SRGAP3: variants seen among roughly 807,000 people sequenced by gnomAD.
The protein encoded by SRGAP3 is SLIT-ROBO Rho GTPase-activating protein 3.
Under a neutral mutation model 121.1 loss-of-function variants are expected in SRGAP3, and 39 were observed. The ratio of observed to expected loss-of-function variants is 0.32; its 90% CI spans 0.25 to 0.42. The LOEUF is 0.42. Among genes scored for constraint, SRGAP3 ranks in the 10% least tolerant of loss-of-function variants. The pLI, the probability that SRGAP3 is intolerant of heterozygous loss-of-function variation, is 1.00. For missense variants in SRGAP3, 1,213 were observed against 1,470.6 expected, an observed-to-expected ratio of 0.82 and a Z score of 2.86; for synonymous variants, 601 against 570.0, an observed-to-expected ratio of 1.05 and a Z score of -0.77.
chr3:9,162,731 T>C (rs1474750039), intron 1 of SRGAP3, among the ~76,000 whole-genome samples: 3 of 152,376 alleles, frequency 2.0e-5, no homozygotes, highest in Non-Finnish European at 2.9e-5. Context: ...CCCAGCAGCA[T>C]GGCTGGACCC....
chr3:9,283,891 T>G (rs895984956), intron 3 of SRGAP3, among the ~76,000 whole-genome samples: 2 of 152,176 alleles, frequency 1.3e-5, no homozygotes, highest in African/African-American at 4.8e-5. Context: ...GACTGGCTTT[T>G]TTACTGGATG....
intron 1 of SRGAP3, among the ~76,000 whole-genome samples, chr3:9,357,778 A>G (rs1190133940): frequency 6.6e-6 from 1 of 152,142 alleles, no homozygotes; most frequent in African/African-American, 2.4e-5. Context: ...GTCTCCCAAT[A>G]TAAGTCTAGG....
chr3:9,049,614 C>T, intron 9 of SRGAP3: 1 of 410,622 alleles, frequency 2.4e-6, no homozygotes, highest in South Asian at 1.8e-5. Context: ...GGCAGAGGGC[C>T]AGGGGCTTGT....
chr3:9,332,311 G>T (rs2125286590), intron 1 of SRGAP3, among the ~76,000 whole-genome samples: 1 of 152,224 alleles, frequency 6.6e-6, no homozygotes, highest in African/African-American at 2.4e-5. Flanking sequence ...GTAGGGACAG[G>T]GTTTCACCAT....
chr3:9,184,556 G>T (rs958845920), intron 1 of SRGAP3, among the ~76,000 whole-genome samples: 5 of 152,086 alleles, frequency 3.3e-5, no homozygotes, highest in Middle Eastern at 3.2e-3. Context: ...TCAGTAAATG[G>T]GTGTTGTTAA....
At chr3:9,106,527 A>G (rs1316576888) in intron 2 of SRGAP3, among the ~76,000 whole-genome samples, 5 of 152,014 alleles carry the variant, frequency 3.3e-5, no homozygotes, top group Admixed American at 3.3e-4. Context: ...GTCCCCACCC[A>G]AATCTCAACT....
At chr3:9,059,801 G>A (rs993977254) in intron 6 of SRGAP3, 3 of 273,086 alleles carry the variant, frequency 1.1e-5, no homozygotes, top group South Asian at 4.1e-5. Context: ...ACTTTCTTTC[G>A]CATGTACACG....
rs748491563 is a variant in SRGAP3 at position 9,038,106 on chromosome 3, T to C, written c.1409-16A>G. The C allele has an allele frequency of 3.1e-6, 5 of 1,614,094 alleles. No individual in the cohort carries two copies. Among genetic ancestry groups the C allele is most frequent in the South Asian group, 2.2e-5 (2 of 91,088 alleles). ...GCTCTTTCCCCTGCAAAGAAAAGTA[T>C]ACATGAATGTTTAATTGCCTTTTCT... On this transcript the variant is annotated splice_polypyrimidine_tract_variant and intron_variant, in intron 10 of 21. Transcript: ENST00000383836.
At chr3:9,027,161 T>C (rs1559946271) in intron 12 of SRGAP3, among the ~76,000 whole-genome samples, 166 bp from the exon 13 acceptor site, 1 of 152,188 alleles carries the variant, frequency 6.6e-6, no homozygotes, top group African/African-American at 2.4e-5. Flanking sequence ...ACAGTTACAA[T>C]AGAGAGTCTT....
intron 3 of SRGAP3, among the ~76,000 whole-genome samples, chr3:9,256,519 T>C (rs1182399228): frequency 2.6e-5 from 4 of 152,024 alleles, no homozygotes; most frequent in Non-Finnish European, 5.9e-5. Context: ...GCAATCTAGC[T>C]TAAAGCTTAC....
At chr3:9,322,451 C>A (rs1955452898) in intron 3 of SRGAP3, among the ~76,000 whole-genome samples, 1 of 151,736 alleles carries the variant, frequency 6.6e-6, no homozygotes, top group South Asian at 2.1e-4. Context: ...AACCCCTGGG[C>A]CGTGGACTGG....
chr3:9,110,332 C>T (rs1019580468), intron 2 of SRGAP3, among the ~76,000 whole-genome samples: 1 of 152,062 alleles, frequency 6.6e-6, no homozygotes, highest in East Asian at 1.9e-4. Flanking sequence ...GAGTCGAACA[C>T]GACGAGTCTA....
intron 1 of SRGAP3, among the ~76,000 whole-genome samples, chr3:9,145,332 G>A (rs897008993): frequency 1.3e-5 from 2 of 152,310 alleles, no homozygotes; most frequent in Admixed American, 1.3e-4. Flanking sequence ...CTGACCTCAG[G>A]TGGTCCACTT....
chr3:9,071,763 T>C (rs1323717055), intron 4 of SRGAP3, among the ~76,000 whole-genome samples: 1 of 152,030 alleles, frequency 6.6e-6, no homozygotes, highest in Non-Finnish European at 1.5e-5. Context: ...GGAGGCATAG[T>C]TCTACTGCCT....
chr3:9,146,262 G>A (rs1256616152), intron 1 of SRGAP3, among the ~76,000 whole-genome samples: 1 of 152,134 alleles, frequency 6.6e-6, no homozygotes, highest in Non-Finnish European at 1.5e-5. Context: ...GTGCCACAGG[G>A]CCCATCTCAA....
chr3:9,089,471 TG>T (rs144610238), intron 3 of SRGAP3, among the ~76,000 whole-genome samples: 4,432 of 151,970 alleles, frequency 0.029, 215 homozygotes, highest in African/African-American at 0.1. Context: ...AGACACACAG[TG>T]AAAAAAAGTC....
intron 1 of SRGAP3, among the ~76,000 whole-genome samples, chr3:9,352,005 AC>A (rs1004251980): frequency 6.6e-6 from 1 of 152,060 alleles, no homozygotes; most frequent in African/African-American, 2.4e-5. Context: ...CCACCACAAG[AC>A]CACCTCCTGC....
intron 2 of SRGAP3, among the ~76,000 whole-genome samples, chr3:9,327,310 T>G (rs1955537065): frequency 6.6e-6 from 1 of 151,864 alleles, no homozygotes; most frequent in Admixed American, 6.5e-5. Flanking sequence ...TTAGCCAACA[T>G]GTTCACACAC....
chr3:9,312,358 T>C (rs1656828436), intron 3 of SRGAP3, among the ~76,000 whole-genome samples: 1 of 152,208 alleles, frequency 6.6e-6, no homozygotes, highest in Admixed American at 6.5e-5. Flanking sequence ...AGTTTCACCA[T>C]GTTGGCCAGG....
Sources: allele counts gnomAD v4.1 joint callset (sites outside exome capture counted in the v4.1 genomes callset), GRCh38; gene constraint gnomAD v4.1.1; transcripts MANE v1.5; gene names NCBI Gene and HGNC (gene_info 2026-07-23, HGNC 2026-07-21).